TRPC4AP: variants seen among roughly 807,000 people sequenced by gnomAD.
TRPC4AP encodes transient receptor potential cation channel subfamily C member 4 associated protein.
TRPC4AP carries 45 observed loss-of-function variants against 99.0 expected under a neutral mutation model. The observed-to-expected ratio is 0.45, with a 90% confidence interval of 0.36 to 0.58. The LOEUF (loss-of-function observed/expected upper bound fraction) is 0.58, where lower values mean the gene tolerates loss of function less well. Among genes scored for constraint, TRPC4AP ranks in the 20% least tolerant of loss-of-function variants. The pLI is 0.00. For synonymous variants in TRPC4AP, 408 were observed against 385.8 expected (o/e 1.06, Z -0.67); for missense variants, 879 against 985.3 (o/e 0.89, Z 1.44).
chr20:35,072,357 G>A (rs141167455), intron 2 of TRPC4AP, among the ~76,000 whole-genome samples: 79 of 152,188 alleles, frequency 5.2e-4, no homozygotes, highest in East Asian at 5.8e-4. Context: ...GTCCTTGCCC[G>A]TGCCTATGGC....
At chr20:35,086,231 T>G (rs1415292035) in intron 1 of TRPC4AP, among the ~76,000 whole-genome samples, 1 of 152,022 alleles carries the variant, frequency 6.6e-6, no homozygotes, top group Non-Finnish European at 1.5e-5. Flanking sequence ...AGTGCTAGAA[T>G]TACAGGTGTG....
chr20:35,029,341 A>C (rs2083110031), intron 8 of TRPC4AP, among the ~76,000 whole-genome samples: 1 of 152,048 alleles, frequency 6.6e-6, no homozygotes, highest in African/African-American at 2.4e-5. Context: ...AACCTATTTT[A>C]TCTCTGAATT....
intron 8 of TRPC4AP, among the ~76,000 whole-genome samples, chr20:35,024,170 A>G (rs1472881684): frequency 6.6e-6 from 1 of 150,828 alleles, no homozygotes; most frequent in East Asian, 2.0e-4. Flanking sequence ...CAATTCACAT[A>G]CCATGCAATT....
rs1192317846 is a variant in TRPC4AP, at chr20:35,044,701, T to C, written c.669A>G (p.Arg223=). 1.2e-6 allele frequency: 2 copies of C among 1,614,090 alleles called. No individual in the cohort carries two copies. The highest frequency in any genetic ancestry group is 1.7e-6 in the Non-Finnish European group (2 of 1,179,964). ...DILGVKKEMI[R]LDEVPNLSSL... The stretch of plus-strand genomic sequence containing the variant: ...AACTCAGATTGGGGACTTCATCTAG[T>C]CGGATCATTTCCTACAGAAGACAAA... Residue 223 remains arginine (R), a synonymous_variant, in exon 7 of 19, where the codon CGA becomes CGG. Transcript: ENST00000252015.
chr20:35,020,923 C>T (rs531787820), intron 9 of TRPC4AP, among the ~76,000 whole-genome samples: 1 of 152,318 alleles, frequency 6.6e-6, no homozygotes, highest in African/African-American at 2.4e-5. Flanking sequence ...TAGTCTTCAC[C>T]TCACAGAGGC....
intron 2 of TRPC4AP, among the ~76,000 whole-genome samples, chr20:35,073,425 A>AGC (rs1311301612): frequency 6.6e-6 from 1 of 150,772 alleles, no homozygotes; most frequent in Non-Finnish European, 1.5e-5. Context: ...TGTCATAAAT[A>AGC]GCTCCTATTA....
At chr20:35,004,608 G>A (rs761528640) in intron 16 of TRPC4AP, 38 bp from the exon 17 acceptor site, 7 of 1,586,432 alleles carry the variant, frequency 4.4e-6, no homozygotes, top group Non-Finnish European at 6.0e-6. Flanking sequence ...GTCAGGCTTA[G>A]GCCCAGTGGC....
intron 3 of TRPC4AP, 108 bp from the exon 4 acceptor site, chr20:35,057,679 A>AC: frequency 1.2e-6 from 1 of 867,310 alleles, no homozygotes; most frequent in East Asian, 2.9e-5. Flanking sequence ...GTATTACAAG[A>AC]CCCTTTTGTT....
chr20:35,010,142 G>A, intron 12 of TRPC4AP, 45 bp downstream of exon 12: 1 of 1,572,156 alleles, frequency 6.4e-7, no homozygotes, highest in Non-Finnish European at 8.7e-7. Context: ...GGGGAACGTG[G>A]GCAGCCGGGA....
In TRPC4AP at chr20:35,003,232, T is replaced by A; in HGVS notation, c.2308A>T (p.Asn770Tyr). Residue 770 changes from asparagine to tyrosine, a missense_variant, in exon 19 of 19, where the codon AAC becomes TAC. Transcript: ENST00000252015. Reference sequence around the variant, plus strand: ...GCAGAGGGTGACTGCCGGTCCGGGTTCAACAGGATGGACACTGTCTCCTTC... The same window carrying A: ...GCAGAGGGTGACTGCCGGTCCGGGTACAACAGGATGGACACTGTCTCCTTC... ...YWKETVSILL[N>Y]PDRQSPSALV... The A allele has an allele frequency of 6.2e-7, 1 of 1,614,148 alleles. No homozygotes were observed. The highest frequency in any genetic ancestry group is 8.5e-7 in the Non-Finnish European group (1 of 1,180,024).
At chr20:35,008,982 T>C (rs1020610488) in intron 12 of TRPC4AP, among the ~76,000 whole-genome samples, 1 of 152,158 alleles carries the variant, frequency 6.6e-6, no homozygotes, top group Non-Finnish European at 1.5e-5. Context: ...GCCAGAAACA[T>C]ATCCAGAATC....
At chr20:35,022,618 C>G (rs1400344485) in intron 8 of TRPC4AP, among the ~76,000 whole-genome samples, 3 of 152,026 alleles carry the variant, frequency 2.0e-5, no homozygotes, top group Non-Finnish European at 4.4e-5. Flanking sequence ...CCCTAGAGGC[C>G]TTTTGCAAAG....
chr20:35,053,743 C>G (rs901812516), intron 5 of TRPC4AP, among the ~76,000 whole-genome samples: 4 of 152,250 alleles, frequency 2.6e-5, no homozygotes, highest in Admixed American at 1.3e-4. Context: ...ATTAATTATA[C>G]TGATTACATG....
In TRPC4AP at chr20:35,035,254, C is replaced by T. The variant is rs201578373; in HGVS notation, c.920G>A (p.Arg307Gln). The change falls in exon 8 of 19, where the codon CGA becomes CAA. Residue 307 changes from arginine (R) to glutamine (Q), a missense_variant. Arg to Gln is a conservative substitution (Grantham distance 43). Coordinates refer to ENST00000252015, the MANE Select transcript of TRPC4AP (RefSeq NM_015638.3). Reference sequence around the variant, plus strand: ...TGTGCCCGTTGACTCTGACACCTTTCGAGTCGCCAGTTTGCAAAGCCGCTC... The same window carrying T: ...TGTGCCCGTTGACTCTGACACCTTTTGAGTCGCCAGTTTGCAAAGCCGCTC... ...FVERLCKLAT[R>Q]KVSESTGTAS... 5.3e-5 allele frequency: 86 copies of T among 1,613,950 alleles called. 1 individual carries two copies. Among genetic ancestry groups the T allele is most frequent in the Non-Finnish European group, 1.4e-5 (17 of 1,180,022 alleles).
At chr20:35,064,273 C>T (rs527798722) in intron 3 of TRPC4AP, among the ~76,000 whole-genome samples, 10 of 152,292 alleles carry the variant, frequency 6.6e-5, no homozygotes, top group Non-Finnish European at 1.3e-4. Context: ...AATACTTAGG[C>T]AGCATGTCCA....
Position 35,013,084 on chromosome 20 carries a change from C to G in TRPC4AP, c.1351-18G>C. 6.2e-7 allele frequency: 1 copy of G among 1,613,902 alleles called. No individual in the cohort carries two copies. Among genetic ancestry groups the G allele is most frequent in the Non-Finnish European group, 8.5e-7 (1 of 1,179,904 alleles). On this transcript the variant is annotated intron_variant, in intron 10 of 18. Transcript: ENST00000252015. ...GTGATGTCCTGAAACACATGCACAG[C>G]CTCAATGTTAGGACCACAGCCACAA...
At chr20:35,059,841 A>C (rs565495406) in intron 3 of TRPC4AP, among the ~76,000 whole-genome samples, 20 of 152,008 alleles carry the variant, frequency 1.3e-4, no homozygotes, top group East Asian at 5.8e-4. Flanking sequence ...AAGACAAAGA[A>C]GACGAAGATG....
chr20:35,032,467 C>CTTTTTTTTTTTTT, intron 8 of TRPC4AP, among the ~76,000 whole-genome samples: 1 of 95,232 alleles, frequency 1.1e-5, no homozygotes, highest in Non-Finnish European at 2.0e-5. Flanking sequence ...GTTCTTTGAT[C>CTTTTTTTTTTTTT]TTTTTTTTTT....
At chr20:35,006,632 G>A in intron 14 of TRPC4AP, 57 bp from the exon 15 acceptor site, 1 of 1,591,566 alleles carries the variant, frequency 6.3e-7, no homozygotes, top group Non-Finnish European at 8.6e-7. Flanking sequence ...CCAGGGCCTG[G>A]CATGGAGCTC....
Sources: allele counts gnomAD v4.1 joint callset (sites outside exome capture counted in the v4.1 genomes callset), GRCh38; gene constraint gnomAD v4.1.1; transcripts MANE v1.5; gene names NCBI Gene and HGNC (gene_info 2026-07-23, HGNC 2026-07-21).